SPECC1L: variants seen among roughly 807,000 people sequenced by gnomAD.
SPECC1L encodes the protein cytospin-A.
A neutral mutation model predicts 116.8 loss-of-function variants in SPECC1L; 40 were observed. The ratio of observed to expected loss-of-function variants is 0.34; its 90% CI spans 0.27 to 0.45. SPECC1L has a LOEUF of 0.45. Ranked by LOEUF, SPECC1L falls within the 20% of genes least tolerant of loss-of-function variation. The probability of loss-of-function intolerance (pLI) is 1.00; values close to 1 mark genes in which losing one functional copy is unlikely to be tolerated. For synonymous variants in SPECC1L, 504 were observed against 500.6 expected (o/e 1.01, Z -0.09); for missense variants, 1,110 against 1,373.6 (o/e 0.81, Z 3.03).
chr22:24,410,837 A>T (rs1569451366), intron 14 of SPECC1L, among the ~76,000 whole-genome samples: 1 of 152,152 alleles, frequency 6.6e-6, no homozygotes, highest in African/African-American at 2.4e-5. Context: ...AGGATCTTTG[A>T]CATGCTTCAA....
chr22:24,338,503 T>C, intron 10 of SPECC1L, 26 bp downstream of exon 10: 1 of 1,604,264 alleles, frequency 6.2e-7, no homozygotes, highest in South Asian at 1.1e-5. Flanking sequence ...CACAGGAGGC[T>C]CTTAGAGCCT....
At chr22:24,327,661 C>A (rs1396661274) in intron 6 of SPECC1L, among the ~76,000 whole-genome samples, 3 of 151,538 alleles carry the variant, frequency 2.0e-5, no homozygotes, top group Admixed American at 6.6e-5. Context: ...AAAAAAAAAA[C>A]AAAAACCTAG....
intron 14 of SPECC1L, among the ~76,000 whole-genome samples, chr22:24,410,312 G>A (rs1475194311): frequency 6.6e-6 from 1 of 152,240 alleles, no homozygotes; most frequent in Non-Finnish European, 1.5e-5. Flanking sequence ...GGGACCACAG[G>A]CGCATGCCTG....
chr22:24,332,156 A>G (rs977060470), intron 8 of SPECC1L, among the ~76,000 whole-genome samples: 21 of 152,374 alleles, frequency 1.4e-4, no homozygotes, highest in East Asian at 9.6e-4. Context: ...AAGACAGCCT[A>G]TCACTTAAAG....
rs1038752660 is a variant in SPECC1L, at chr22:24,284,751, A to G, written c.-38+7948A>G. The stretch of plus-strand genomic sequence containing the variant: ...CACCCAGCTGAGAATCTTTAAAATT[A>G]AAAACACCACCACAATACTATTATC... On this transcript the variant is annotated intron_variant, in intron 2 of 16. Transcript: ENST00000314328. Among the ~76,000 whole-genome samples, 9 of 152,192 alleles carry G rather than the reference A, an allele frequency of 5.9e-5. No homozygotes were observed. In the East Asian group the frequency reaches 7.7e-4, roughly 13 times the overall value.
chr22:24,412,574 C>A, intron 15 of SPECC1L, 74 bp from the exon 16 acceptor site: 1 of 1,387,298 alleles, frequency 7.2e-7, no homozygotes, highest in Non-Finnish European at 1.0e-6. Flanking sequence ...GCATCTGTCC[C>A]AGGCAGTTGT....
chr22:24,340,666 ATACT>A (rs1292776379), intron 10 of SPECC1L, among the ~76,000 whole-genome samples: 2 of 152,176 alleles, frequency 1.3e-5, no homozygotes, highest in Non-Finnish European at 2.9e-5. Flanking sequence ...CAAAAAACTA[ATACT>A]TATGAGCTAC....
intron 2 of SPECC1L, among the ~76,000 whole-genome samples, chr22:24,298,951 C>G (rs1182255213): frequency 6.6e-6 from 1 of 152,122 alleles, no homozygotes; most frequent in African/African-American, 2.4e-5. Context: ...AGTGATTCAC[C>G]TTTTTAGGTA....
rs939722673 is a variant in SPECC1L at position 24,322,715 on chromosome 22, C to T, written c.1735C>T (p.Leu579=). 3 of 1,594,364 alleles carry T rather than the reference C, an allele frequency of 1.9e-6. No individual in the cohort carries two copies. The highest frequency in any genetic ancestry group is 2.6e-6 in the Non-Finnish European group (3 of 1,171,302). The change falls in exon 5 of 17, where the codon CTG becomes TTG. Residue 579 remains leucine, a synonymous_variant. Coordinates refer to ENST00000314328, the MANE Select transcript of SPECC1L (RefSeq NM_015330.6). Reference sequence around the variant, plus strand: ...CAGTGACCAGATAGAGATGAATCGCCTGAAGGCTCAGCTGGAGAATGAAAA... The same window carrying T: ...CAGTGACCAGATAGAGATGAATCGCTTGAAGGCTCAGCTGGAGAATGAAAA... ...VASDQIEMNR[L]KAQLENEKQK...
chr22:24,402,110 T>TCCCCTTCCTTCCCCTTCCTC (rs2042489295), intron 14 of SPECC1L, among the ~76,000 whole-genome samples: 1 of 128,840 alleles, frequency 7.8e-6, no homozygotes, highest in African/African-American at 2.9e-5. Context: ...TCCCCTTCCT[T>TCCCCTTCCTTCCCCTTCCTC]CCCCTTCCTT....
chr22:24,297,380 T>C (rs1179505801), intron 2 of SPECC1L, among the ~76,000 whole-genome samples: 1 of 152,198 alleles, frequency 6.6e-6, no homozygotes, highest in Non-Finnish European at 1.5e-5. Flanking sequence ...GTCTAGACTT[T>C]GAAGGGAAAT....
At chr22:24,371,797 C>T (rs1015671919) in intron 14 of SPECC1L, among the ~76,000 whole-genome samples, 3 of 152,218 alleles carry the variant, frequency 2.0e-5, no homozygotes, top group Admixed American at 6.5e-5. Context: ...CCTTGGTTCA[C>T]GGCAGGCTCC....
In SPECC1L at chr22:24,346,993, G is replaced by A. The variant is rs116756271; in HGVS notation, c.2653-93G>A. On this transcript the variant is annotated intron_variant, in intron 10 of 16. Transcript: ENST00000314328. ...ATAGCAGTATGGAAAGAATTAATAC[G>A]GATTTATAACTAAATATCTACTCTG... 7.2e-4 allele frequency: 717 copies of A among 991,314 alleles called. 4 individuals carry two copies. The African/African-American group carries it at 9.4e-3, about 13-fold the overall frequency. 61.4% of individuals were successfully genotyped at this position (991,314 alleles called of 1,614,324 possible).
chr22:24,389,097 T>G (rs1457821196), intron 14 of SPECC1L, among the ~76,000 whole-genome samples: 1 of 151,340 alleles, frequency 6.6e-6, no homozygotes, highest in African/African-American at 2.4e-5. Context: ...ACTTCACTCC[T>G]TTCTATAACT....
chr22:24,395,638 A>AT (rs897107324), intron 14 of SPECC1L, among the ~76,000 whole-genome samples: 25 of 151,748 alleles, frequency 1.6e-4, no homozygotes, highest in African/African-American at 5.6e-4. Flanking sequence ...AGAGAAAATA[A>AT]TTTTTTTTTC....
Position 24,321,474 on chromosome 22 carries a change from G to C in SPECC1L, c.494G>C (p.Arg165Pro). The change falls in exon 5 of 17, where the codon CGT becomes CCT. Residue 165 changes from arginine to proline, a missense_variant. Transcript: ENST00000314328. ...RSRTATECDV[R>P]MSKSKSDNQI... Reference sequence around the variant, plus strand: ...CGAACTGCTACAGAATGTGACGTTCGTATGAGCAAGTCTAAGTCAGACAAT... The same window carrying C: ...CGAACTGCTACAGAATGTGACGTTCCTATGAGCAAGTCTAAGTCAGACAAT... The C allele has an allele frequency of 6.2e-7, 1 of 1,614,250 alleles. No homozygotes were observed. The highest frequency in any genetic ancestry group is 8.5e-7 in the Non-Finnish European group (1 of 1,180,048).
chr22:24,382,281 T>TC (rs2042076652), intron 14 of SPECC1L, among the ~76,000 whole-genome samples: 1 of 151,964 alleles, frequency 6.6e-6, no homozygotes, highest in African/African-American at 2.4e-5. Context: ...TCACATGGGG[T>TC]AGAGGCCAGA....
At chr22:24,311,081 T>G (rs573698571) in intron 3 of SPECC1L, among the ~76,000 whole-genome samples, 1 of 152,310 alleles carries the variant, frequency 6.6e-6, no homozygotes, top group South Asian at 2.1e-4. Flanking sequence ...TGCAGTTTCT[T>G]TATGGACTCT....
chr22:24,342,226 C>T (rs187944867), intron 10 of SPECC1L, among the ~76,000 whole-genome samples: 1 of 152,154 alleles, frequency 6.6e-6, no homozygotes, highest in African/African-American at 2.4e-5. Context: ...AGGAAAATGT[C>T]ACCTATAACC....
Sources: allele counts gnomAD v4.1 joint callset (sites outside exome capture counted in the v4.1 genomes callset), GRCh38; gene constraint gnomAD v4.1.1; transcripts MANE v1.5; gene names NCBI Gene and HGNC (gene_info 2026-07-23, HGNC 2026-07-21).